Variants in MYOM1 observed in about 807,000 individuals in gnomAD.
MYOM1 encodes the protein myomesin-1.
MYOM1 carries 164 observed loss-of-function variants against 205.3 expected under a neutral mutation model. That is an observed-to-expected ratio of 0.80 (90% CI 0.70 to 0.91). The LOEUF is 0.91. MYOM1 is among the 40% of genes least tolerant of loss of function. The pLI, the probability that MYOM1 is intolerant of heterozygous loss-of-function variation, is 0.00. For missense variants in MYOM1, 2,011 were observed against 2,127.3 expected (o/e 0.95, Z 1.08); for synonymous variants, 772 against 789.4 (o/e 0.98, Z 0.37).
chr18:3,218,619 G>A (rs1300367234), intron 1 of MYOM1, among the ~76,000 whole-genome samples: 1 of 151,976 alleles, frequency 6.6e-6, no homozygotes, highest in African/African-American at 2.4e-5. Flanking sequence ...TAAAACAAAG[G>A]GGTTAGAAAA....
At chr18:3,184,475 C>T (rs796986449) in intron 5 of MYOM1, among the ~76,000 whole-genome samples, 4 of 152,326 alleles carry the variant, frequency 2.6e-5, no homozygotes, top group African/African-American at 9.6e-5. Context: ...CAGTTATCTG[C>T]TAACTGATTG....
Position 3,209,892 on chromosome 18 carries a change from A to G in MYOM1, c.290+5042T>C, listed in dbSNP as rs1026020858. On this transcript the variant is annotated intron_variant, in intron 2 of 37. Coordinates refer to ENST00000356443, the MANE Select transcript of MYOM1 (RefSeq NM_003803.4). This position sits in a 1 kb window ranked among gnomAD's most constrained non-coding sequence, Gnocchi z 4.0. The stretch of plus-strand genomic sequence containing the variant: ...ATAAAATATAATTCTACTTAATATA[A>G]TAGATTCAATACAATGTGCTTGGTA... 1.3e-5 allele frequency among the ~76,000 whole-genome samples: 2 copies of G among 152,224 alleles called. No homozygotes were observed. The highest frequency in any genetic ancestry group is 3.9e-4 in the East Asian group (2 of 5,194).
At chr18:3,213,694 CT>C (rs2081219499) in intron 2 of MYOM1, among the ~76,000 whole-genome samples, 1 of 152,204 alleles carries the variant, frequency 6.6e-6, no homozygotes, top group Non-Finnish European at 1.5e-5. Flanking sequence ...CACTGAGAAA[CT>C]TTCTTCTCTA....
intron 14 of MYOM1, among the ~76,000 whole-genome samples, chr18:3,137,736 TG>T (rs1232432923): frequency 5.3e-5 from 8 of 152,158 alleles, no homozygotes; most frequent in Admixed American, 5.2e-4. Flanking sequence ...TAAGTTCTAG[TG>T]TTCAATAGCA....
intron 14 of MYOM1, among the ~76,000 whole-genome samples, chr18:3,141,057 A>G (rs1398693228): frequency 6.6e-6 from 1 of 152,184 alleles, no homozygotes. Flanking sequence ...CATTTTAAGC[A>G]AATTCTCTTT....
At chr18:3,092,051 A>C (rs565197113) in intron 26 of MYOM1, among the ~76,000 whole-genome samples, 2 of 152,068 alleles carry the variant, frequency 1.3e-5, no homozygotes, top group African/African-American at 4.8e-5. Flanking sequence ...TTTAATGAGT[A>C]GAATAATGTA....
intron 18 of MYOM1, among the ~76,000 whole-genome samples, chr18:3,128,127 A>G (rs750671348): frequency 3.9e-5 from 6 of 152,262 alleles, no homozygotes; most frequent in Non-Finnish European, 8.8e-5. Context: ...GAGTATCAGA[A>G]GAATGAAGGC....
chr18:3,182,687 T>C (rs1363783423), intron 5 of MYOM1, among the ~76,000 whole-genome samples: 1 of 152,170 alleles, frequency 6.6e-6, no homozygotes, highest in East Asian at 1.9e-4. Context: ...AATTTCATTA[T>C]GCAAATAAAA....
rs1196822146 is a variant in MYOM1 at position 3,075,461 on chromosome 18, G to A, written c.4701C>T (p.Ala1567=). ...EFQRLKQAAI[A]EKNRARVLGG... is the part of the protein sequence containing the mutation. ...AAAAAAAAGTTTACTTACTTTTCTCGGCAATGGCAGCTTGTCTGTGGTTGA... is the reference window on the plus strand; with the variant it reads ...AAAAAAAAGTTTACTTACTTTTCTCAGCAATGGCAGCTTGTCTGTGGTTGA... Residue 1567 remains alanine, a synonymous_variant, in exon 36 of 38, where the codon GCC becomes GCT. Transcript: ENST00000356443. The A allele has an allele frequency of 8.1e-6, 13 of 1,611,078 alleles. No individual in the cohort carries two copies. The highest frequency in any genetic ancestry group is 2.2e-5 in the East Asian group (1 of 44,790).
At chr18:3,133,501 T>C (rs1169799812) in intron 16 of MYOM1, among the ~76,000 whole-genome samples, 1 of 152,172 alleles carries the variant, frequency 6.6e-6, no homozygotes, top group Non-Finnish European at 1.5e-5. Context: ...CAGCAAATTA[T>C]TCTGAATGTC....
intron 2 of MYOM1, among the ~76,000 whole-genome samples, 168 bp downstream of exon 2, chr18:3,214,766 C>T (rs1310461148): frequency 6.6e-6 from 1 of 152,126 alleles, no homozygotes; most frequent in Non-Finnish European, 1.5e-5. Flanking sequence ...GCAGAGGTTG[C>T]AGGGAGCCGA....
chr18:3,151,554 C>A (rs1179904684), intron 12 of MYOM1, 140 bp downstream of exon 12: 6 of 599,412 alleles, frequency 1.0e-5, no homozygotes, highest in Non-Finnish European at 1.3e-5. Context: ...TTCTCCCCCT[C>A]GGATTTTCTG....
chr18:3,233,651 G>A, the MYOM1 span, among the ~76,000 whole-genome samples: 4 of 152,178 alleles, frequency 2.6e-5, no homozygotes, highest in Non-Finnish European at 5.9e-5. Context: ...TGCAAAAAGA[G>A]GTGTTATGTG....
intron 36 of MYOM1, among the ~76,000 whole-genome samples, chr18:3,072,712 G>A (rs2078975684): frequency 6.6e-6 from 1 of 151,800 alleles, no homozygotes; most frequent in Non-Finnish European, 1.5e-5. Context: ...GGGGCGGTGG[G>A]GGAGTGCCTG....
chr18:3,239,087 C>G, the MYOM1 span, among the ~76,000 whole-genome samples: 1 of 152,200 alleles, frequency 6.6e-6, no homozygotes, highest in African/African-American at 2.4e-5. Flanking sequence ...GGAATTAGGA[C>G]AGGGATATCT....
intron 2 of MYOM1, among the ~76,000 whole-genome samples, chr18:3,208,874 C>T (rs573017228): frequency 9.2e-5 from 14 of 152,350 alleles, no homozygotes; most frequent in African/African-American, 3.4e-4. Context: ...CAGCAATCCT[C>T]CTGCCTTGGC....
At chr18:3,204,203 C>G (rs2081103655) in intron 2 of MYOM1, among the ~76,000 whole-genome samples, 1 of 151,974 alleles carries the variant, frequency 6.6e-6, no homozygotes, top group Non-Finnish European at 1.5e-5. Flanking sequence ...AGGCAATGAT[C>G]TGCTCTTGCC....
At chr18:3,205,921 T>G (rs1441610370) in intron 2 of MYOM1, among the ~76,000 whole-genome samples, 9 of 152,170 alleles carry the variant, frequency 5.9e-5, no homozygotes. Flanking sequence ...GGGGTAGGAG[T>G]AGGATACAAG....
At chr18:3,108,572 C>T (rs2079481836) in intron 22 of MYOM1, among the ~76,000 whole-genome samples, 1 of 150,798 alleles carries the variant, frequency 6.6e-6, no homozygotes, top group Non-Finnish European at 1.5e-5. Context: ...GAGATGGAGT[C>T]TTGCTCTGTC....
Sources: gnomAD v4.1 joint callset for allele counts (sites outside exome capture counted in the v4.1 genomes callset) on GRCh38, gnomAD v4.1.1 for gene constraint, Gnocchi (gnomAD v3.1) non-coding constraint, MANE v1.5 for transcripts, NCBI Gene and HGNC (gene_info 2026-07-23, HGNC 2026-07-21) for gene names.